Variants in EIF2AK2 observed in about 807,000 individuals in gnomAD.
EIF2AK2 encodes the protein eukaryotic translation initiation factor 2 alpha kinase 2.
Under a neutral mutation model 70.5 loss-of-function variants are expected in EIF2AK2, and 40 were observed. The ratio of observed to expected loss-of-function variants is 0.57; its 90% CI spans 0.44 to 0.74. The LOEUF is 0.74. Ranked by LOEUF, EIF2AK2 falls within the 30% of genes least tolerant of loss-of-function variation. The pLI, the probability that EIF2AK2 is intolerant of heterozygous loss-of-function variation, is 0.00. For missense variants in EIF2AK2, 555 were observed against 644.3 expected (o/e 0.86, Z 1.50); for synonymous variants, 198 against 220.9 (o/e 0.90, Z 0.92).
At position 37,103,968 on chromosome 2, in the gene EIF2AK2, G is replaced by T. The variant is rs754359221; in HGVS notation, c.*3305C>A. Reference sequence around the variant, plus strand: ...AGCTGGGTCAACATGGTGAAATTCCGTCTCTACTAAAAATAGAAAAAATTA... The same window carrying T: ...AGCTGGGTCAACATGGTGAAATTCCTTCTCTACTAAAAATAGAAAAAATTA... On this transcript the variant is annotated 3_prime_UTR_variant, in exon 17 of 17. Transcript: ENST00000233057. 1.3e-5 allele frequency: 2 copies of T among 152,126 alleles called. No homozygotes were observed. Among genetic ancestry groups the T allele is most frequent in the African/African-American group, 4.8e-5 (2 of 41,416 alleles). The allele number at this position is 152,126 out of a possible 1,614,324, so 9.4% of individuals were successfully genotyped here.
At chr2:37,132,619 T>C (rs1246345441) in intron 10 of EIF2AK2, among the ~76,000 whole-genome samples, 1 of 152,068 alleles carries the variant, frequency 6.6e-6, no homozygotes, top group African/African-American at 2.4e-5. Context: ...ACAACTCTGT[T>C]ATGGGACATC....
intron 10 of EIF2AK2, among the ~76,000 whole-genome samples, chr2:37,134,785 T>C (rs1478478826): frequency 6.6e-6 from 1 of 150,762 alleles, no homozygotes; most frequent in Non-Finnish European, 1.5e-5. Flanking sequence ...CACCAACACA[T>C]ATCTTTGTCT....
At chr2:37,149,833 C>A (rs1371724246) in intron 1 of EIF2AK2, among the ~76,000 whole-genome samples, 3 of 152,202 alleles carry the variant, frequency 2.0e-5, no homozygotes, top group Admixed American at 2.0e-4. Context: ...CCCTGTGCAT[C>A]TGTTAATCAG....
intron 11 of EIF2AK2, among the ~76,000 whole-genome samples, chr2:37,123,901 A>G (rs1674641623): frequency 6.6e-6 from 1 of 152,204 alleles, no homozygotes; most frequent in South Asian, 2.1e-4. Flanking sequence ...TTTAAAGTAT[A>G]TGACACAAAT....
rs1223330047 is a variant in EIF2AK2, at chr2:37,109,198, G to C, written c.1475C>G (p.Ser492Ter). Reference protein sequence around the residue: ...LHVCDTAFETSKFFTDLRDGI... With the variant: ...LHVCDTAFET ...CTTTCTTTGAGATAATTTTACCTTT[G>C]ATGTTTCAAAAGCAGTGTCACATAC... The change falls in exon 15 of 17, where the codon TCA becomes TGA. Residue 492 changes from serine to a stop codon, truncating the protein, a stop_gained. Coordinates refer to ENST00000233057, the MANE Select transcript of EIF2AK2 (RefSeq NM_001135651.3). LOFTEE classifies it high-confidence loss of function. 6.2e-7 allele frequency: 1 copy of C among 1,613,696 alleles called. No homozygotes were observed. Among genetic ancestry groups the C allele is most frequent in the Non-Finnish European group, 8.5e-7 (1 of 1,179,768 alleles).
intron 14 of EIF2AK2, among the ~76,000 whole-genome samples, chr2:37,110,172 G>C (rs1202552471): frequency 6.6e-6 from 1 of 151,792 alleles, no homozygotes; most frequent in South Asian, 2.1e-4. Context: ...CCAGGTTCAA[G>C]CAGTTCTCCT....
Position 37,135,382 on chromosome 2 carries a change from A to G in EIF2AK2, c.785+102T>C, listed in dbSNP as rs575655203. The G allele has an allele frequency of 1.3e-4, 121 of 954,428 alleles. 1 individual carries two copies. The highest frequency in any genetic ancestry group is 1.8e-4 in the Non-Finnish European group (114 of 623,066). 59.1% of individuals were successfully genotyped at this position (954,428 alleles called of 1,614,324 possible). A position where few individuals can be genotyped will look rare whatever the true frequency, so the allele number is the denominator to read the frequency against. On this transcript the variant is annotated intron_variant, in intron 10 of 16. Coordinates refer to ENST00000233057, the MANE Select transcript of EIF2AK2 (RefSeq NM_001135651.3). The stretch of plus-strand genomic sequence containing the variant: ...ACCCTGCGTAGTTAATCTTATTCAA[A>G]TATTTTTAACTGACAGGATCATGGC...
rs869140054 is a variant in EIF2AK2, at chr2:37,111,878, AATATATATATAT to A, written c.1378-2595_1378-2584del. ...CCCTGTCTCAAAAAAAAAAAAAAAAAATATATATATATATATATATATATATATATATATCAT... is the reference window on the plus strand; with the variant it reads ...CCCTGTCTCAAAAAAAAAAAAAAAAAATATATATATATATATATATATCAT... On this transcript the variant is annotated intron_variant, in intron 14 of 16. Transcript: ENST00000233057. 1.4e-3 allele frequency among the ~76,000 whole-genome samples: 94 copies of A among 69,122 alleles called. 1 individual carries two copies. The highest frequency in any genetic ancestry group is 4.5e-3 in the African/African-American group (72 of 16,040). The allele number at this position is 69,122 out of a possible 152,430, so 45.3% of individuals were successfully genotyped here.
chr2:37,137,849 A>G (rs1281951430), intron 8 of EIF2AK2, among the ~76,000 whole-genome samples: 2 of 152,144 alleles, frequency 1.3e-5, no homozygotes, highest in African/African-American at 4.8e-5. Context: ...GCGGTGGCTC[A>G]TGCCTGTAAT....
intron 14 of EIF2AK2, among the ~76,000 whole-genome samples, chr2:37,110,400 A>G (rs1045109843): frequency 3.9e-5 from 6 of 152,042 alleles, no homozygotes; most frequent in Non-Finnish European, 8.8e-5. Flanking sequence ...CCAGCCAACA[A>G]AAGGTTTTTA....
intron 14 of EIF2AK2, among the ~76,000 whole-genome samples, chr2:37,110,919 G>C (rs2148665058): frequency 6.6e-6 from 1 of 152,260 alleles, no homozygotes; most frequent in African/African-American, 2.4e-5. Flanking sequence ...GTCCATTGAT[G>C]GATAAAAGGA....
At chr2:37,127,389 C>A (rs1674778957) in intron 10 of EIF2AK2, among the ~76,000 whole-genome samples, 1 of 152,142 alleles carries the variant, frequency 6.6e-6, no homozygotes, top group Non-Finnish European at 1.5e-5. Context: ...TGAAACCCTC[C>A]AACAGCCAAC....
In EIF2AK2 at chr2:37,106,568, C is replaced by CTTTTTTTTTT. The variant is rs5830455; in HGVS notation, c.*695_*704dup. ...TGTTTTCCGAAGTGGTTGTACATCACTTTTTTTTTTTTTTTTAATGAGTAC... is the reference window on the plus strand; with the variant it reads ...TGTTTTCCGAAGTGGTTGTACATCACTTTTTTTTTTTTTTTTTTTTTTTTTTAATGAGTAC... On this transcript the variant is annotated 3_prime_UTR_variant, in exon 17 of 17. Coordinates refer to ENST00000233057, the MANE Select transcript of EIF2AK2 (RefSeq NM_001135651.3). 7.7e-6 allele frequency: 1 copy of CTTTTTTTTTT among 129,060 alleles called. No individual in the cohort carries two copies. 8.0% of individuals were successfully genotyped at this position (129,060 alleles called of 1,614,324 possible).
chr2:37,120,004 C>A lies in EIF2AK2; in HGVS notation c.1203G>T (p.Gly401=), dbSNP rs747766352. 1 of 1,529,806 alleles carries A rather than the reference C, an allele frequency of 6.5e-7. No individual in the cohort carries two copies. The highest frequency in any genetic ancestry group is 8.8e-7 in the Non-Finnish European group (1 of 1,134,212). The allele number at this position is 1,529,806 out of a possible 1,614,324, so 94.8% of individuals were successfully genotyped here. ...ATTTTTTTGAATGTATATAATCCAC[C>A]CCTTTTGTTATTTGTTCAAAGAGTT... The part of the protein sequence containing the change: ...ALELFEQITK[G]VDYIHSKKLI... The change falls in exon 13 of 17, where the codon GGG becomes GGT. Residue 401 remains glycine, a synonymous_variant. Coordinates refer to ENST00000233057, the MANE Select transcript of EIF2AK2 (RefSeq NM_001135651.3).
chr2:37,107,253 GAT>G lies in EIF2AK2; in HGVS notation c.*18_*19del. The G allele has an allele frequency of 6.2e-7, 1 of 1,603,070 alleles. No homozygotes were observed. The highest frequency in any genetic ancestry group is 8.5e-7 in the Non-Finnish European group (1 of 1,176,870). ...AAGGAAAACTGCATATCAGAAGCAG[GAT>G]ACTTTTTCAGAAGGGCTCTAACATG... On this transcript the variant is annotated 3_prime_UTR_variant, in exon 17 of 17. Coordinates refer to ENST00000233057, the MANE Select transcript of EIF2AK2 (RefSeq NM_001135651.3).
intron 12 of EIF2AK2, among the ~76,000 whole-genome samples, chr2:37,121,242 G>C (rs1198869188): frequency 9.2e-6 from 1 of 108,980 alleles, no homozygotes; most frequent in Non-Finnish European, 1.7e-5. Flanking sequence ...CAGCCTGTGC[G>C]ACAGTGCGAG....
At position 37,141,574 on chromosome 2, in the gene EIF2AK2, G is replaced by A. The variant is rs746897581; in HGVS notation, c.368C>T (p.Ser123Leu). ...TTACCCTTCTGGCCCATGCACCCCC[G>A]ATGCACACTGTTCATAATTTACAGT... The part of the protein sequence containing the change: ...RLTVNYEQCA[S>L]GVHGPEGFHY... Residue 123 changes from serine to leucine, a missense_variant, in exon 5 of 17, where the codon TCG (serine) becomes TTG (leucine). Ser to Leu is a moderately radical substitution (Grantham distance 145, BLOSUM62 -2). Transcript: ENST00000233057. 16 of 1,613,832 alleles carry A rather than the reference G, an allele frequency of 9.9e-6. No homozygotes were observed. In the East Asian group the frequency reaches 1.3e-4, roughly 13 times the overall value.
intron 4 of EIF2AK2, among the ~76,000 whole-genome samples, chr2:37,145,165 CAG>C (rs1402311036): frequency 8.5e-6 from 1 of 117,118 alleles, no homozygotes; most frequent in Non-Finnish European, 1.7e-5. Context: ...TTTTTTGAGA[CAG>C]AGTCTTGCCT....
chr2:37,114,664 G>A, intron 14 of EIF2AK2, 67 bp downstream of exon 14: 1 of 1,381,894 alleles, frequency 7.2e-7, no homozygotes, highest in South Asian at 1.8e-5. Flanking sequence ...TATAAGTAGT[G>A]TCTACTCTTT....
Sources: gnomAD v4.1 joint callset for allele counts (sites outside exome capture counted in the v4.1 genomes callset) on GRCh38, gnomAD v4.1.1 for gene constraint, MANE v1.5 for transcripts, NCBI Gene and HGNC (gene_info 2026-07-23, HGNC 2026-07-21) for gene names.